LARP1B: variants seen among roughly 807,000 people sequenced by gnomAD.
LARP1B encodes La ribonucleoprotein 1B.
Under a neutral mutation model 114.2 loss-of-function variants are expected in LARP1B, and 76 were observed. The observed-to-expected ratio is 0.67, with a 90% confidence interval of 0.55 to 0.81. LARP1B has a LOEUF of 0.81. LARP1B is among the 30% of genes least tolerant of loss of function. The pLI, the probability that LARP1B is intolerant of heterozygous loss-of-function variation, is 0.00. For synonymous variants in LARP1B, 345 were observed against 348.0 expected (o/e 0.99, Z 0.10); for missense variants, 1,014 against 1,075.8 (o/e 0.94, Z 0.80).
chr4:128,154,720 GC>G (rs761948746), intron 11 of LARP1B, among the ~76,000 whole-genome samples: 14 of 152,062 alleles, frequency 9.2e-5, no homozygotes, highest in Non-Finnish European at 1.0e-4. Context: ...TTCTACCTTT[GC>G]ACCACATATG....
intron 9 of LARP1B, chr4:128,107,611 G>GT: frequency 7.2e-7 from 1 of 1,391,390 alleles, no homozygotes; most frequent in Non-Finnish European, 9.3e-7. Flanking sequence ...GATATGTATC[G>GT]TTTTCCCCTG....
chr4:128,093,549 T>G (rs917715454), intron 7 of LARP1B, among the ~76,000 whole-genome samples: 2 of 151,436 alleles, frequency 1.3e-5, no homozygotes, highest in Non-Finnish European at 2.9e-5. Flanking sequence ...TGAGCCGAGA[T>G]AGTGCCACTG....
intron 11 of LARP1B, among the ~76,000 whole-genome samples, chr4:128,128,810 A>G (rs1016833376): frequency 3.3e-5 from 5 of 152,188 alleles, no homozygotes; most frequent in Non-Finnish European, 2.9e-5. Context: ...TACATGAAAT[A>G]GTTTATAAAT....
intron 17 of LARP1B, 144 bp from the exon 18 acceptor site, chr4:128,206,284 C>A (rs1022261331): frequency 7.8e-6 from 4 of 514,610 alleles, no homozygotes; most frequent in Non-Finnish European, 9.8e-6. Context: ...AAGAGTGAGA[C>A]TCTGTCTCAA....
intron 5 of LARP1B, among the ~76,000 whole-genome samples, chr4:128,082,995 G>C (rs1414699663): frequency 6.6e-6 from 1 of 151,644 alleles, no homozygotes; most frequent in African/African-American, 2.4e-5. Flanking sequence ...CTGGGTACTT[G>C]AGATTAGGGA....
At position 128,199,555 on chromosome 4, in the gene LARP1B, T is replaced by G. The variant is rs1295902576; in HGVS notation, c.2120T>G (p.Phe707Cys). 7.5e-6 allele frequency: 12 copies of G among 1,597,688 alleles called. No individual in the cohort carries two copies. The highest frequency in any genetic ancestry group is 1.0e-5 in the Non-Finnish European group (12 of 1,171,184). Reference sequence around the variant, plus strand: ...CATGAACTTTTGAAGGAAAATGGCTTTACCCAACAAGTGTACCACAAGTAT... The same window carrying G: ...CATGAACTTTTGAAGGAAAATGGCTGTACCCAACAAGTGTACCACAAGTAT... The part of the protein sequence containing the change: ...PSHELLKENG[F>C]TQQVYHKYRR... Residue 707 changes from phenylalanine to cysteine, a missense_variant, in exon 16 of 20, where the codon TTT (phenylalanine) becomes TGT (cysteine). Physicochemically the swap from Phe to Cys is radical, Grantham distance 205. Coordinates refer to ENST00000326639, the MANE Select transcript of LARP1B (RefSeq NM_018078.4).
rs149035627 is a variant in LARP1B, at chr4:128,120,331, G to T, written c.1162-1495G>T. On this transcript the variant is annotated intron_variant, in intron 10 of 19. Coordinates refer to ENST00000326639, the MANE Select transcript of LARP1B (RefSeq NM_018078.4). ...TAAAATAGGCCAGAGGACGAAAAAT[G>T]AATGTAACACCAAGTAGAAACTACT... Among the ~76,000 whole-genome samples, 173 of 152,234 alleles carry T rather than the reference G, an allele frequency of 1.1e-3. 2 individuals are homozygous for T. The East Asian group carries it at 0.03, about 27-fold the overall frequency.
At chr4:128,188,783 AT>A (rs1202857640) in intron 15 of LARP1B, among the ~76,000 whole-genome samples, 1 of 152,130 alleles carries the variant, frequency 6.6e-6, no homozygotes, top group African/African-American at 2.4e-5. Context: ...ATGTTGTTTA[AT>A]TTCCACGTTT....
At chr4:128,177,372 C>G (rs1019617636) in intron 13 of LARP1B, among the ~76,000 whole-genome samples, 8 of 151,684 alleles carry the variant, frequency 5.3e-5, no homozygotes, top group Non-Finnish European at 7.4e-5. Context: ...TTATATGAAT[C>G]AAAAAAAGTC....
intron 1 of LARP1B, among the ~76,000 whole-genome samples, chr4:128,067,373 C>T (rs1763405101): frequency 6.6e-6 from 1 of 152,120 alleles, no homozygotes; most frequent in Non-Finnish European, 1.5e-5. Flanking sequence ...GAATTCCATC[C>T]ACAGAATTTT....
At chr4:128,174,492 C>G (rs1745086797) in intron 12 of LARP1B, among the ~76,000 whole-genome samples, 1 of 151,906 alleles carries the variant, frequency 6.6e-6, no homozygotes, top group South Asian at 2.1e-4. Context: ...TCAACATACT[C>G]TATAGATGTT....
chr4:128,122,085 C>A lies in LARP1B; in HGVS notation c.1421C>A (p.Ala474Glu), dbSNP rs1196363965. 2 of 1,613,882 alleles carry A rather than the reference C, an allele frequency of 1.2e-6. No individual in the cohort carries two copies. The highest frequency in any genetic ancestry group is 3.3e-5 in the Admixed American group (2 of 60,000). ...CGAACAGGCACCCACATGTCTCGGG[C>A]AAAAATCACATCTGAACTTGCTAAA... ...GDRTGTHMSR[A>E]KITSELAKVI... The change falls in exon 11 of 20, where the codon GCA becomes GAA. Residue 474 changes from alanine to glutamate, a missense_variant. By Grantham distance (107) the Ala-to-Glu change is moderately radical (BLOSUM62 -1). Coordinates refer to ENST00000326639, the MANE Select transcript of LARP1B (RefSeq NM_018078.4).
At chr4:128,209,129 T>C (rs575674479) in intron 19 of LARP1B, among the ~76,000 whole-genome samples, 2 of 152,202 alleles carry the variant, frequency 1.3e-5, no homozygotes, top group East Asian at 3.9e-4. Flanking sequence ...TTAGTAAACA[T>C]GTGTTGAGGC....
intron 11 of LARP1B, among the ~76,000 whole-genome samples, chr4:128,156,553 C>G (rs1483669799): frequency 6.6e-6 from 1 of 152,138 alleles, no homozygotes; most frequent in Non-Finnish European, 1.5e-5. Context: ...CTCTCCATCA[C>G]CCTCTTCCTG....
intron 8 of LARP1B, among the ~76,000 whole-genome samples, chr4:128,106,571 C>A (rs558427984): frequency 1.8e-4 from 27 of 151,752 alleles, no homozygotes; most frequent in Middle Eastern, 3.4e-3. Context: ...GCACCTTTGC[C>A]TAATGGCTAA....
chr4:128,199,638 A>G, intron 16 of LARP1B, 39 bp downstream of exon 16: 1 of 1,060,332 alleles, frequency 9.4e-7, no homozygotes, highest in Non-Finnish European at 1.2e-6. Flanking sequence ...TATATTTAAA[A>G]TTAAAATATA....
chr4:128,083,660 C>G (rs1172171409), intron 5 of LARP1B, among the ~76,000 whole-genome samples: 1 of 92,440 alleles, frequency 1.1e-5, no homozygotes, highest in Admixed American at 1.2e-4. Flanking sequence ...GGCGGCTGGC[C>G]AGGTGGGGGG....
intron 15 of LARP1B, among the ~76,000 whole-genome samples, chr4:128,184,769 A>C (rs1180262492): frequency 6.6e-6 from 1 of 152,124 alleles, no homozygotes; most frequent in African/African-American, 2.4e-5. Context: ...CCTGGTAAGC[A>C]CTAATCAACT....
At chr4:128,119,165 G>A (rs576323920) in intron 10 of LARP1B, among the ~76,000 whole-genome samples, 13 of 152,276 alleles carry the variant, frequency 8.5e-5, no homozygotes, top group East Asian at 5.8e-4. Flanking sequence ...GATTACAGGC[G>A]TGAGCCACTG....
Sources: allele counts gnomAD v4.1 joint callset (sites outside exome capture counted in the v4.1 genomes callset), GRCh38; gene constraint gnomAD v4.1.1; transcripts MANE v1.5; gene names NCBI Gene and HGNC (gene_info 2026-07-23, HGNC 2026-07-21).